The following ZNF14 variants were observed in gnomAD, a reference collection of about 807,000 sequenced individuals.
ZNF14 encodes gonadotropin inducible transcription repressor-4.
Under a neutral mutation model 11.3 loss-of-function variants are expected in ZNF14, and 9 were observed. The ratio of observed to expected loss-of-function variants is 0.80; its 90% CI spans 0.48 to 1.39. The LOEUF is 1.39. ZNF14 is among the 40% of genes most tolerant of loss of function. The pLI, the probability that ZNF14 is intolerant of heterozygous loss-of-function variation, is 0.00. For synonymous variants in ZNF14, 239 were observed against 245.7 expected, an observed-to-expected ratio of 0.97 and a Z score of 0.25; for missense variants, 711 against 763.9, an observed-to-expected ratio of 0.93 and a Z score of 0.82.
At chr19:19,724,839 C>T (rs569514291) in intron 1 of ZNF14, among the ~76,000 whole-genome samples, 2 of 133,094 alleles carry the variant, frequency 1.5e-5, no homozygotes, top group Admixed American at 7.4e-5. Context: ...TATGTAATGG[C>T]CTTCTTTGTC....
intron 1 of ZNF14, among the ~76,000 whole-genome samples, chr19:19,715,455 GA>G (rs2145095586): frequency 6.6e-6 from 1 of 152,348 alleles, no homozygotes; most frequent in Non-Finnish European, 1.5e-5. Flanking sequence ...AACATCCAAA[GA>G]ACTGAGCCCC....
At position 19,714,347 on chromosome 19, in the gene ZNF14, G is replaced by A; in HGVS notation, c.130+14C>T. 6.2e-7 allele frequency: 1 copy of A among 1,613,504 alleles called. No individual in the cohort carries two copies. Among genetic ancestry groups the A allele is most frequent in the Non-Finnish European group, 8.5e-7 (1 of 1,179,940 alleles). On this transcript the variant is annotated intron_variant, in intron 2 of 3. Transcript: ENST00000344099. Reference sequence around the variant, plus strand: ...TCTATATTTAACTGAGGAAAGAAATGTTGATATCCTTACCTAGACAAACCA... The same window carrying A: ...TCTATATTTAACTGAGGAAAGAAATATTGATATCCTTACCTAGACAAACCA...
In ZNF14 at chr19:19,710,654, G is replaced by C. The variant is rs1271982307; in HGVS notation, c.*698C>G. The C allele has an allele frequency of 6.6e-6, 1 of 152,570 alleles. No individual in the cohort carries two copies. Among genetic ancestry groups the C allele is most frequent in the Non-Finnish European group, 1.5e-5 (1 of 68,056 alleles). The allele number at this position is 152,570 out of a possible 1,614,324, so 9.5% of individuals were successfully genotyped here. On this transcript the variant is annotated 3_prime_UTR_variant, in exon 4 of 4. Transcript: ENST00000344099. ...GTTTCTCTCCAGTATACATTCTCAT[G>C]TGTGCTCAAAAGGCTGTGTGAAGGC...
intron 1 of ZNF14, among the ~76,000 whole-genome samples, chr19:19,731,235 C>T (rs2062422318): frequency 6.6e-6 from 1 of 152,098 alleles, no homozygotes; most frequent in Admixed American, 6.6e-5. Flanking sequence ...GGATAGGGTA[C>T]CCAAACTAGA....
Position 19,711,652 on chromosome 19 carries a change from G to T in ZNF14, c.1629C>A (p.Ser543=), listed in dbSNP as rs367674560. 3.2e-5 allele frequency: 52 copies of T among 1,613,518 alleles called. No homozygotes were observed. The highest frequency in any genetic ancestry group is 3.3e-4 in the Middle Eastern group (2 of 6,054). The change falls in exon 4 of 4, where the codon TCC becomes TCA. Residue 543 remains serine (S), a synonymous_variant. Transcript: ENST00000344099. ...CKQCGKAFLR[S]SQIRLHERTH... The stretch of plus-strand genomic sequence containing the variant: ...TCCTTTCATGCAATCGAATTTGACT[G>T]GAACGAAGGAAGGCCTTACCACATT...
chr19:19,712,656 AATAT>A lies in ZNF14; in HGVS notation c.621_624del (p.Tyr208ThrfsTer118). The stretch of plus-strand genomic sequence containing the variant: ...TGAGCATGTTTTTGAAAAGACTGGT[AATAT>A]ATAAAGGTTTTTCCACATTGCTTAC... On this transcript the variant is annotated frameshift_variant, in exon 4 of 4. Coordinates refer to ENST00000344099, the MANE Select transcript of ZNF14 (RefSeq NM_021030.3). LOFTEE classifies it low-confidence loss of function (END_TRUNC). The A allele has an allele frequency of 6.2e-7, 1 of 1,614,056 alleles. No homozygotes were observed. Among genetic ancestry groups the A allele is most frequent in the South Asian group, 1.1e-5 (1 of 91,068 alleles).
chr19:19,719,540 A>G (rs1339250654), intron 1 of ZNF14, among the ~76,000 whole-genome samples: 1 of 152,214 alleles, frequency 6.6e-6, no homozygotes, highest in Non-Finnish European at 1.5e-5. Flanking sequence ...GTTACTTGTA[A>G]GCATGTACTA....
At chr19:19,714,018 G>A (rs1423126601) in intron 3 of ZNF14, 73 bp downstream of exon 3, 2 of 1,358,334 alleles carry the variant, frequency 1.5e-6, no homozygotes, top group African/African-American at 2.9e-5. Context: ...ATTTGAAGCT[G>A]TGCTTAATTG....
At chr19:19,728,737 C>T (rs932378889) in intron 1 of ZNF14, among the ~76,000 whole-genome samples, 1 of 119,664 alleles carries the variant, frequency 8.4e-6, no homozygotes. Context: ...ACCCAACTTT[C>T]AGACCTCCAC....
chr19:19,716,303 T>C (rs1346201065), intron 1 of ZNF14, among the ~76,000 whole-genome samples: 1 of 152,184 alleles, frequency 6.6e-6, no homozygotes, highest in African/African-American at 2.4e-5. Flanking sequence ...TTATTTCATT[T>C]GTTTTGAGAC....
At chr19:19,719,358 T>C (rs957172564) in intron 1 of ZNF14, among the ~76,000 whole-genome samples, 25 of 152,066 alleles carry the variant, frequency 1.6e-4, no homozygotes, top group African/African-American at 5.8e-4. Context: ...GACAGATGAG[T>C]TTGTCCAAAA....
Position 19,711,790 on chromosome 19 carries a change from G to C in ZNF14, c.1491C>G (p.His497Gln), listed in dbSNP as rs1419347807. The C allele has an allele frequency of 6.2e-7, 1 of 1,613,250 alleles. No individual in the cohort carries two copies. Among genetic ancestry groups the C allele is most frequent in the Non-Finnish European group, 8.5e-7 (1 of 1,179,528 alleles). ...TACATTCATAGGGTTTCTCTCCAGTGTGTGTTCTTTCATGCAGTCGAAAGG... is the reference window on the plus strand; with the variant it reads ...TACATTCATAGGGTTTCTCTCCAGTCTGTGTTCTTTCATGCAGTCGAAAGG... ...SSSFRLHERTHTGEKPYECKL... is the reference protein window; with the variant it reads ...SSSFRLHERTQTGEKPYECKL... The change falls in exon 4 of 4, where the codon CAC becomes CAG. Residue 497 changes from histidine (H) to glutamine (Q), a missense_variant. By Grantham distance (24) the His-to-Gln change is conservative (BLOSUM62 0). Transcript: ENST00000344099.
intron 1 of ZNF14, among the ~76,000 whole-genome samples, chr19:19,730,475 G>T (rs1205746639): frequency 6.6e-6 from 1 of 152,144 alleles, no homozygotes; most frequent in Non-Finnish European, 1.5e-5. Context: ...ATATCAAAAG[G>T]TGTTTAATTA....
rs1000937505 is a variant in ZNF14 at position 19,720,595 on chromosome 19, G to A, written c.4-6108C>T. Among the ~76,000 whole-genome samples the A allele has an allele frequency of 3.9e-5, 6 of 151,982 alleles. No homozygotes were observed. Among genetic ancestry groups the A allele is most frequent in the East Asian group, 1.9e-4 (1 of 5,176 alleles). ...TGACCTCAAGTGATCTGTCCGCCTCGGCCTCCCAAAGTGCTGGGATTACAG... is the reference window on the plus strand; with the variant it reads ...TGACCTCAAGTGATCTGTCCGCCTCAGCCTCCCAAAGTGCTGGGATTACAG... On this transcript the variant is annotated intron_variant, in intron 1 of 3. Transcript: ENST00000344099. The surrounding 1 kb of genome is among the most constrained non-coding windows in gnomAD (Gnocchi z 4.1).
chr19:19,714,651 A>G (rs1258976169), intron 1 of ZNF14, among the ~76,000 whole-genome samples, 164 bp from the exon 2 acceptor site: 1 of 151,644 alleles, frequency 6.6e-6, no homozygotes, highest in Admixed American at 6.6e-5. Context: ...TCCTCATAAA[A>G]TTCATGCTGT....
intron 1 of ZNF14, among the ~76,000 whole-genome samples, chr19:19,716,401 G>A (rs2145096286): frequency 6.6e-6 from 1 of 152,278 alleles, no homozygotes; most frequent in East Asian, 1.9e-4. Context: ...CGATTCTTGT[G>A]CCTCAGCCTC....
rs541277771 is a variant in ZNF14 at position 19,733,105 on chromosome 19, T to C, written c.-147A>G. On this transcript the variant is annotated 5_prime_UTR_variant, in exon 1 of 4. Transcript: ENST00000344099. ...TTCCCATGGGCCAGGAATGGCGACG[T>C]CCGCACTGCGCAGGCCCAGCGTGGC... The C allele has an allele frequency of 8.9e-5, 88 of 993,642 alleles. No individual in the cohort carries two copies. The African/African-American group carries it at 1.4e-3, about 16-fold the overall frequency. The allele number at this position is 993,642 out of a possible 1,614,324, so 61.6% of individuals were successfully genotyped here. A position where few individuals can be genotyped will look rare whatever the true frequency, so the allele number is the denominator to read the frequency against.
Position 19,712,447 on chromosome 19 carries a change from G to A in ZNF14, c.834C>T (p.Pro278=), listed in dbSNP as rs143377260. Residue 278 remains proline, a synonymous_variant, in exon 4 of 4, where the codon CCC becomes CCT. Transcript: ENST00000344099. ...CTTTACCACATTCTTTACATTTGTAGGGTTTTTCTCCAGTGTGAGTTCTTT... is the reference window on the plus strand; with the variant it reads ...CTTTACCACATTCTTTACATTTGTAAGGTTTTTCTCCAGTGTGAGTTCTTT... ...THERTHTGEK[P]YKCKECGKAF... 73 of 1,558,758 alleles carry A rather than the reference G, an allele frequency of 4.7e-5. No individual in the cohort carries two copies. Among genetic ancestry groups the A allele is most frequent in the African/African-American group, 1.3e-5 (1 of 74,282 alleles).
In ZNF14 at chr19:19,711,815, G is replaced by C. The variant is rs1464414426; in HGVS notation, c.1466C>G (p.Ser489Cys). The change falls in exon 4 of 4, where the codon TCC becomes TGC. Residue 489 changes from serine (S) to cysteine (C), a missense_variant. By Grantham distance (112) the Ser-to-Cys change is moderately radical. Transcript: ENST00000344099. ...QCGKVFIRSS[S>C]FRLHERTHTG... ...GTGTGTTCTTTCATGCAGTCGAAAG[G>C]AACTGGAACGAATGAAAACTTTTCC... 1.2e-6 allele frequency: 2 copies of C among 1,612,714 alleles called. No individual in the cohort carries two copies. The highest frequency in any genetic ancestry group is 3.3e-5 in the Admixed American group (2 of 59,916).
Sources: gnomAD v4.1 joint callset for allele counts (sites outside exome capture counted in the v4.1 genomes callset) on GRCh38, gnomAD v4.1.1 for gene constraint, Gnocchi (gnomAD v3.1) non-coding constraint, MANE v1.5 for transcripts, NCBI Gene and HGNC (gene_info 2026-07-23, HGNC 2026-07-21) for gene names.